The following DCC variants were observed in gnomAD, a reference collection of about 807,000 sequenced individuals.
The protein encoded by DCC is DCC netrin 1 receptor, also known as netrin receptor DCC.
In DCC, 58 loss-of-function variants were observed where a neutral mutation model predicts 172.5. That is an observed-to-expected ratio of 0.34 (90% CI 0.27 to 0.42). DCC has a LOEUF of 0.42. DCC is among the 10% of genes least tolerant of loss of function. DCC has a pLI of 1.00. For missense variants in DCC, 1,740 were observed against 1,791.0 expected, an observed-to-expected ratio of 0.97 and a Z score of 0.51; for synonymous variants, 709 against 644.5, an observed-to-expected ratio of 1.10 and a Z score of -1.52.
intron 1 of DCC, among the ~76,000 whole-genome samples, chr18:52,707,539 A>C (rs549475289): frequency 6.6e-6 from 1 of 152,346 alleles, no homozygotes; most frequent in East Asian, 1.9e-4. Context: ...AATGAAGTCA[A>C]TATGTTGAAG....
chr18:52,455,678 G>A (rs530534031), intron 1 of DCC, among the ~76,000 whole-genome samples: 25 of 152,206 alleles, frequency 1.6e-4, no homozygotes, highest in South Asian at 2.1e-4. Flanking sequence ...TGTGATCCTC[G>A]GCAACTTATT....
chr18:53,021,141 C>G (rs1186608891), intron 5 of DCC, among the ~76,000 whole-genome samples: 4 of 152,224 alleles, frequency 2.6e-5, no homozygotes, highest in Admixed American at 1.3e-4. Flanking sequence ...CCACAAAGGT[C>G]GGCTTCCTCA....
At chr18:52,592,089 T>A (rs1367740190) in intron 1 of DCC, among the ~76,000 whole-genome samples, 1 of 152,184 alleles carries the variant, frequency 6.6e-6, no homozygotes, top group Non-Finnish European at 1.5e-5. Flanking sequence ...CATGCTTTAG[T>A]CTTTTATTTT....
chr18:52,565,973 C>T (rs965533491), intron 1 of DCC, among the ~76,000 whole-genome samples: 1 of 152,032 alleles, frequency 6.6e-6, no homozygotes, highest in African/African-American at 2.4e-5. Context: ...GGTTTTAGGT[C>T]TTATGTTTAA....
At chr18:53,063,048 T>A (rs1421015314) in intron 5 of DCC, among the ~76,000 whole-genome samples, 1 of 152,088 alleles carries the variant, frequency 6.6e-6, no homozygotes, top group Non-Finnish European at 1.5e-5. Flanking sequence ...TATGTATGTT[T>A]TTTTTTTCCA....
chr18:52,894,380 C>A (rs1488188025), intron 2 of DCC, among the ~76,000 whole-genome samples: 1 of 144,110 alleles, frequency 6.9e-6, no homozygotes, highest in Non-Finnish European at 1.5e-5. Flanking sequence ...TCTGGATTCC[C>A]CAGAAACAGG....
At chr18:52,592,628 G>T (rs2033823805) in intron 1 of DCC, among the ~76,000 whole-genome samples, 1 of 152,202 alleles carries the variant, frequency 6.6e-6, no homozygotes. Context: ...ATAAGGAAAT[G>T]AAATAAGGAT....
chr18:52,774,371 C>G (rs1248344184), intron 2 of DCC, among the ~76,000 whole-genome samples: 2 of 152,118 alleles, frequency 1.3e-5, no homozygotes, highest in African/African-American at 4.8e-5. Flanking sequence ...AAGAAAAAAC[C>G]CCAAGGTAGG....
intron 10 of DCC, among the ~76,000 whole-genome samples, chr18:53,206,856 G>A (rs2055658386): frequency 6.6e-6 from 1 of 151,314 alleles, no homozygotes; most frequent in Admixed American, 6.6e-5. Context: ...CACATAAACT[G>A]CATGATCAGA....
intron 2 of DCC, among the ~76,000 whole-genome samples, chr18:52,889,120 G>C (rs114419076): frequency 6.6e-6 from 1 of 151,996 alleles, no homozygotes; most frequent in East Asian, 1.9e-4. Flanking sequence ...GATTAGATGT[G>C]GAGAACCTCT....
chr18:53,140,157 A>AT lies in DCC; in HGVS notation c.1262-17193dup, dbSNP rs531123547. ...ATTCAGCTGAATAAAACATTTTATGATTTTTTATTCTTTTCATATCCTTCA... is the reference window on the plus strand; with the variant it reads ...ATTCAGCTGAATAAAACATTTTATGATTTTTTTATTCTTTTCATATCCTTCA... On this transcript the variant is annotated intron_variant, in intron 7 of 28. Transcript: ENST00000442544. Among the ~76,000 whole-genome samples, 139 of 152,300 alleles carry AT rather than the reference A, an allele frequency of 9.1e-4. 1 individual carries two copies. Among genetic ancestry groups the AT allele is most frequent in the East Asian group, 2.5e-3 (13 of 5,184 alleles).
At chr18:52,847,981 A>G (rs1042436773) in intron 2 of DCC, among the ~76,000 whole-genome samples, 3 of 152,208 alleles carry the variant, frequency 2.0e-5, no homozygotes, top group African/African-American at 7.2e-5. Context: ...TTGATTATTT[A>G]AGTCTGATAA....
intron 2 of DCC, among the ~76,000 whole-genome samples, chr18:52,881,871 A>T (rs945380265): frequency 6.6e-6 from 1 of 152,060 alleles, no homozygotes; most frequent in African/African-American, 2.4e-5. Context: ...ATTACATTGA[A>T]TCTTTAGATT....
intron 1 of DCC, among the ~76,000 whole-genome samples, chr18:52,575,322 C>A (rs1304292330): frequency 1.3e-5 from 2 of 152,082 alleles, no homozygotes; most frequent in Non-Finnish European, 2.9e-5. Flanking sequence ...ACTAAAGAGG[C>A]AAACCTAAGT....
At chr18:52,590,556 G>T (rs1174828606) in intron 1 of DCC, among the ~76,000 whole-genome samples, 1 of 152,202 alleles carries the variant, frequency 6.6e-6, no homozygotes, top group African/African-American at 2.4e-5. Context: ...AGAAGCACTG[G>T]TTTGTCTCTG....
intron 1 of DCC, among the ~76,000 whole-genome samples, chr18:52,380,661 C>A (rs928438550): frequency 3.9e-5 from 6 of 152,116 alleles, no homozygotes; most frequent in Non-Finnish European, 5.9e-5. Flanking sequence ...GTAGACTGTC[C>A]TTGGGCCTCA....
At chr18:52,976,346 G>T (rs2041117777) in intron 5 of DCC, among the ~76,000 whole-genome samples, 1 of 151,848 alleles carries the variant, frequency 6.6e-6, no homozygotes, top group Non-Finnish European at 1.5e-5. Flanking sequence ...AACTTCTTTG[G>T]TTTAATTTGA....
chr18:53,359,041 G>A (rs1450631154), intron 15 of DCC, among the ~76,000 whole-genome samples: 2 of 152,126 alleles, frequency 1.3e-5, no homozygotes, highest in African/African-American at 2.4e-5. Context: ...TCATCCTCAT[G>A]GGACGATATG....
intron 2 of DCC, among the ~76,000 whole-genome samples, chr18:52,822,550 C>A (rs887229152): frequency 6.6e-6 from 1 of 152,166 alleles, no homozygotes; most frequent in Non-Finnish European, 1.5e-5. Flanking sequence ...CCTGCAACAG[C>A]CAAATTCCAA....
Sources: gnomAD v4.1 joint callset for allele counts (sites outside exome capture counted in the v4.1 genomes callset) on GRCh38, gnomAD v4.1.1 for gene constraint, MANE v1.5 for transcripts, NCBI Gene and HGNC (gene_info 2026-07-23, HGNC 2026-07-21) for gene names.